ING1: variants seen among roughly 807,000 people sequenced by gnomAD.
The protein encoded by ING1 is inhibitor of growth family member 1.
Under a neutral mutation model 23.1 loss-of-function variants are expected in ING1, and 4 were observed. The ratio of observed to expected loss-of-function variants is 0.17; its 90% CI spans 0.09 to 0.40. The LOEUF is 0.40. Among genes scored for constraint, ING1 ranks in the 10% least tolerant of loss-of-function variants. The pLI is 1.00. For synonymous variants in ING1, 179 were observed against 166.4 expected, an observed-to-expected ratio of 1.08 and a Z score of -0.58; for missense variants, 256 against 393.8, an observed-to-expected ratio of 0.65 and a Z score of 2.96.
chr13:110,716,131 A>T, intron 1 of ING1: 2 of 1,018,574 alleles, frequency 2.0e-6, no homozygotes, highest in Non-Finnish European at 2.7e-6. Context: ...GAAGGAAGGC[A>T]GGGGCTGAGA....
chr13:110,715,917 C>T, intron 1 of ING1: 1 of 1,573,206 alleles, frequency 6.4e-7, no homozygotes, highest in Non-Finnish European at 8.6e-7. Flanking sequence ...GCAGTTCGGA[C>T]CGCCTCCCGC....
At chr13:110,713,451 C>T, upstream of ING1, 3 of 991,156 alleles carry the variant, frequency 3.0e-6, no homozygotes, top group African/African-American at 1.7e-5. Context: ...GTAAAGTTTG[C>T]GCCTCGCCCG....
chr13:110,715,094 C>T, intron 1 of ING1: 1 of 1,056,186 alleles, frequency 9.5e-7, no homozygotes, highest in Non-Finnish European at 1.1e-6. Flanking sequence ...TCTCTGCAGA[C>T]CTGGCCGCCC....
At chr13:110,713,062 C>T (rs761089147), upstream of ING1, 28 of 1,453,036 alleles carry the variant, frequency 1.9e-5, no homozygotes, top group South Asian at 1.1e-4. Context: ...TCCGCCCGTG[C>T]CCGGCCCTCC....
Position 110,714,261 on chromosome 13 carries a change from C to A in ING1, c.112C>A (p.Arg38=). The change falls in exon 1 of 2, where the codon CGG becomes AGG. Residue 38 remains arginine (R), a synonymous_variant. Coordinates refer to ENST00000333219, the MANE Select transcript of ING1 (RefSeq NM_198219.3). ...FDLQRNVSLM[R]EIDAKYQEIL... is the part of the protein sequence containing the mutation. ...CTTGCAGAGAAATGTCTCGCTGATG[C>A]GGGAGATCGACGCGAAATACCAAGG... 3 of 1,570,946 alleles carry A rather than the reference C, an allele frequency of 1.9e-6. No individual in the cohort carries two copies. The highest frequency in any genetic ancestry group is 1.8e-5 in the Admixed American group (1 of 54,602).
At chr13:110,712,879 C>G (rs745471892), upstream of ING1, 1 of 1,389,836 alleles carries the variant, frequency 7.2e-7, no homozygotes, top group Non-Finnish European at 9.9e-7. Flanking sequence ...CCGTTCCAAA[C>G]TGAGTACCGG....
upstream of ING1, chr13:110,713,552 C>A: frequency 1.3e-5 from 13 of 986,090 alleles, no homozygotes; most frequent in Non-Finnish European, 1.6e-5. Context: ...CCGCGAGGGC[C>A]GGCCTGGAGC....
In ING1 at chr13:110,721,806, C is replaced by G. The variant is rs2064173808; in HGVS notation, c.*1874C>G. 6.7e-6 allele frequency: 1 copy of G among 148,488 alleles called. No homozygotes were observed. The highest frequency in any genetic ancestry group is 2.5e-5 in the African/African-American group (1 of 40,062). The allele number at this position is 148,488 out of a possible 1,614,324, so 9.2% of individuals were successfully genotyped here. On this transcript the variant is annotated 3_prime_UTR_variant, in exon 2 of 2. Transcript: ENST00000333219. ...GGCCAGTATGGTCTCGAGCTCTTGA[C>G]CATGATCCGCCCACCTCGGCCTCCC...
At chr13:110,715,074 T>A (rs1040120638) in intron 1 of ING1, 1 of 1,026,346 alleles carries the variant, frequency 9.7e-7, no homozygotes, top group South Asian at 4.2e-5. Context: ...TGAGAGGACC[T>A]GTGCGTCGTT....
intron 1 of ING1, among the ~76,000 whole-genome samples, chr13:110,717,821 G>A (rs2064136919): frequency 1.3e-5 from 2 of 152,026 alleles, no homozygotes; most frequent in East Asian, 1.9e-4. Context: ...GTGAAACTCC[G>A]TTTCAACAAC....
In ING1 at chr13:110,714,125, T is replaced by G; in HGVS notation, c.-25T>G. 6.7e-7 allele frequency: 1 copy of G among 1,502,330 alleles called. No homozygotes were observed. The allele number at this position is 1,502,330 out of a possible 1,614,324, so 93.1% of individuals were successfully genotyped here. On this transcript the variant is annotated 5_prime_UTR_variant, in exon 1 of 2. Transcript: ENST00000333219. ...GGAGGAAGCGGAAAGCCGCGCCGAG[T>G]CGCCGGGGACCTCCGGGGTGAACCA...
At position 110,720,064 on chromosome 13, in the gene ING1, A is replaced by G; in HGVS notation, c.*132A>G. ...TGTTAGTAAAGGAACCATTCCTTTC[A>G]TAGGGATGGCAGTGATTCTGTTTGC... On this transcript the variant is annotated 3_prime_UTR_variant, in exon 2 of 2. Coordinates refer to ENST00000333219, the MANE Select transcript of ING1 (RefSeq NM_198219.3). 4.4e-6 allele frequency: 3 copies of G among 686,820 alleles called. No individual in the cohort carries two copies. The South Asian group carries it at 7.3e-5, about 17-fold the overall frequency. 42.5% of individuals were successfully genotyped at this position (686,820 alleles called of 1,614,324 possible).
chr13:110,715,624 G>A (rs747608643), intron 1 of ING1: 2 of 1,613,780 alleles, frequency 1.2e-6, no homozygotes, highest in Non-Finnish European at 1.7e-6. Flanking sequence ...CGGGTCGCTC[G>A]GCCTCCAGCC....
At position 110,714,911 on chromosome 13, in the gene ING1, C is replaced by T. The variant is rs559989998; in HGVS notation, c.136+626C>T. 1,039 of 918,884 alleles carry T rather than the reference C, an allele frequency of 1.1e-3. 7 individuals are homozygous for T. The African/African-American group carries it at 0.018, about 16-fold the overall frequency. The allele number at this position is 918,884 out of a possible 1,614,324, so 56.9% of individuals were successfully genotyped here. On this transcript the variant is annotated intron_variant, in intron 1 of 1. Coordinates refer to ENST00000333219, the MANE Select transcript of ING1 (RefSeq NM_198219.3). ...TAGGGGCCGACTGCGAGGGGCGACG[C>T]CGCCGGTTGTAGTTTGCGGAGGACG...
At chr13:110,714,733 C>T (rs147393944) in intron 1 of ING1, among the ~76,000 whole-genome samples, 71 of 152,332 alleles carry the variant, frequency 4.7e-4, no homozygotes, top group African/African-American at 1.5e-3. Flanking sequence ...TGCCTCGGTC[C>T]CGGGCAACGC....
intron 1 of ING1, among the ~76,000 whole-genome samples, chr13:110,718,238 G>T (rs1267781506): frequency 3.3e-5 from 5 of 152,208 alleles, no homozygotes; most frequent in African/African-American, 1.2e-4. Flanking sequence ...AGCAAGGCTA[G>T]TGCATTCACT....
At chr13:110,712,966 G>C (rs1330351851), upstream of ING1, 2 of 1,559,848 alleles carry the variant, frequency 1.3e-6, no homozygotes, top group Non-Finnish European at 1.7e-6. Flanking sequence ...TGGTGGTCCG[G>C]CCGCGGAATG....
chr13:110,718,814 G>T (rs1413927108), intron 1 of ING1, among the ~76,000 whole-genome samples: 1 of 151,944 alleles, frequency 6.6e-6, no homozygotes, highest in Non-Finnish European at 1.5e-5. Flanking sequence ...TATTCAAATA[G>T]AAACATTTGA....
At chr13:110,715,861 A>G in intron 1 of ING1, 1 of 1,596,224 alleles carries the variant, frequency 6.3e-7, no homozygotes, top group East Asian at 2.2e-5. Context: ...GCGCGGATTT[A>G]TAGCAGTAGC....
Sources: allele counts gnomAD v4.1 joint callset (sites outside exome capture counted in the v4.1 genomes callset), GRCh38; gene constraint gnomAD v4.1.1; transcripts MANE v1.5; gene names NCBI Gene and HGNC (gene_info 2026-07-23, HGNC 2026-07-21).